PCDHGA3: variants seen among roughly 807,000 people sequenced by gnomAD.
PCDHGA3 encodes protocadherin gamma subfamily A, 3.
In PCDHGA3, 40 loss-of-function variants were observed where a neutral mutation model predicts 58.5. The observed-to-expected ratio is 0.68, with a 90% CI of 0.53 to 0.89. The LOEUF is 0.89. PCDHGA3 is among the 40% of genes least tolerant of loss of function. The probability of loss-of-function intolerance (pLI) is 0.00; values close to 1 mark genes in which losing one functional copy is unlikely to be tolerated. For missense variants in PCDHGA3, 1,223 were observed against 1,195.9 expected (o/e 1.02, Z -0.33); for synonymous variants, 530 against 525.7 (o/e 1.01, Z -0.11).
intron 1 of PCDHGA3, among the ~76,000 whole-genome samples, chr5:141,456,690 C>T (rs893478646): frequency 7.2e-5 from 11 of 152,218 alleles, no homozygotes; most frequent in Admixed American, 5.2e-4. Flanking sequence ...ACTGGCCAGG[C>T]GTGGTGGCTC....
intron 1 of PCDHGA3, chr5:141,350,273 A>C: frequency 2.0e-6 from 3 of 1,512,540 alleles, no homozygotes; most frequent in Non-Finnish European, 2.6e-6. Flanking sequence ...GCAGAGAGCC[A>C]GAGAAGCCGA....
At chr5:141,414,570 C>T in intron 1 of PCDHGA3, 1 of 1,613,980 alleles carries the variant, frequency 6.2e-7, no homozygotes. Context: ...TTACCTATAT[C>T]CCAGAGAACA....
intron 1 of PCDHGA3, chr5:141,361,522 G>A: frequency 1.2e-6 from 2 of 1,614,054 alleles, no homozygotes; most frequent in Non-Finnish European, 1.7e-6. Flanking sequence ...TCACGTGGCA[G>A]AGAACAATCC....
At chr5:141,386,071 T>C (rs1306390506) in intron 1 of PCDHGA3, 4 of 152,214 alleles carry the variant, frequency 2.6e-5, no homozygotes, top group Non-Finnish European at 5.9e-5. Context: ...CAGTATGTTG[T>C]TTTAGTGGTA....
At chr5:141,368,943 C>G (rs1765943914) in intron 1 of PCDHGA3, among the ~76,000 whole-genome samples, 1 of 152,178 alleles carries the variant, frequency 6.6e-6, no homozygotes, top group South Asian at 2.1e-4. Context: ...ATTCTGGTTA[C>G]TGTGAGTAGT....
At chr5:141,504,634 AG>A (rs2099839600) in intron 2 of PCDHGA3, among the ~76,000 whole-genome samples, 1 of 115,756 alleles carries the variant, frequency 8.6e-6, no homozygotes, top group Non-Finnish European at 1.7e-5. Context: ...ACCTTGGAAA[AG>A]GTTTGATGAT....
At chr5:141,389,903 C>T in intron 1 of PCDHGA3, 1 of 1,614,092 alleles carries the variant, frequency 6.2e-7, no homozygotes, top group Non-Finnish European at 8.5e-7. Context: ...TGCCGGATAT[C>T]ACTGACCGCC....
Position 141,431,478 on chromosome 5 carries a change from C to T in PCDHGA3, c.2425-63329C>T, listed in dbSNP as rs1163422580. On this transcript the variant is annotated intron_variant, in intron 1 of 3. Coordinates refer to ENST00000253812, the MANE Select transcript of PCDHGA3 (RefSeq NM_018916.4). The surrounding 1 kb of genome is among the most constrained non-coding windows in gnomAD (Gnocchi z 4.8). ...GTTCTGGATGCGAACGACAACGCAC[C>T]AGCGTTTGCTCAGCCCGAGTACCGC... The T allele has an allele frequency of 6.2e-7, 1 of 1,613,748 alleles. No individual in the cohort carries two copies. The highest frequency in any genetic ancestry group is 8.5e-7 in the Non-Finnish European group (1 of 1,179,976).
intron 1 of PCDHGA3, chr5:141,393,283 C>T (rs2150516449): frequency 6.2e-7 from 1 of 1,613,988 alleles, no homozygotes; most frequent in Middle Eastern, 1.6e-4. Flanking sequence ...CTCCCAGAAG[C>T]TGTTGACCCG....
At chr5:141,504,113 C>A (rs568207803) in intron 2 of PCDHGA3, among the ~76,000 whole-genome samples, 1 of 152,220 alleles carries the variant, frequency 6.6e-6, no homozygotes, top group Non-Finnish European at 1.5e-5. Flanking sequence ...TGTGTGTGTG[C>A]CAGGGCTGTT....
At chr5:141,375,345 C>G (rs749825552) in intron 1 of PCDHGA3, 9 of 1,613,740 alleles carry the variant, frequency 5.6e-6, no homozygotes, top group African/African-American at 1.3e-5. Context: ...TACAACATCA[C>G]TGTGACAGCC....
chr5:141,423,756 GGGGGTGGGGC>G, intron 1 of PCDHGA3: 1 of 448,620 alleles, frequency 2.2e-6, no homozygotes, highest in Non-Finnish European at 3.0e-6. Context: ...TGTTTGGGGG[GGGGGTGGGGC>G]GGCATATATT....
chr5:141,345,402 T>G lies in PCDHGA3; in HGVS notation c.1369T>G (p.Tyr457Asp). Residue 457 changes from tyrosine (Y) to aspartate (D), a missense_variant, in exon 1 of 4, where the codon TAC becomes GAC. Coordinates refer to ENST00000253812, the MANE Select transcript of PCDHGA3 (RefSeq NM_018916.4). Reference protein sequence around the residue: ...DNPPTFPHLSYSAYIPENNPR... With the variant: ...DNPPTFPHLSDSAYIPENNPR... ...CCCACCCACCTTCCCTCATTTATCC[T>G]ACTCCGCCTACATTCCAGAAAACAA... is the stretch of plus-strand genomic sequence containing the variant. 1.2e-6 allele frequency: 2 copies of G among 1,613,996 alleles called. No homozygotes were observed. Among genetic ancestry groups the G allele is most frequent in the East Asian group, 2.2e-5 (1 of 44,892 alleles).
chr5:141,418,093 C>A, intron 1 of PCDHGA3: 2 of 1,614,032 alleles, frequency 1.2e-6, no homozygotes, highest in Non-Finnish European at 1.7e-6. Context: ...TCAGCGTAGA[C>A]GCGCAGAGCG....
At chr5:141,350,936 TGGATCCGAGTTAC>T (rs1561498840) in intron 1 of PCDHGA3, 1 of 1,614,102 alleles carries the variant, frequency 6.2e-7, no homozygotes, top group Non-Finnish European at 8.5e-7. Flanking sequence ...CACCCATATC[TGGATCCGAGTTAC>T]GGATGCCAAT....
At chr5:141,498,679 C>T (rs1454800332) in intron 2 of PCDHGA3, among the ~76,000 whole-genome samples, 1 of 152,170 alleles carries the variant, frequency 6.6e-6, no homozygotes, top group African/African-American at 2.4e-5. Flanking sequence ...CGCCTGTAAT[C>T]CCAGCACTTT....
intron 2 of PCDHGA3, among the ~76,000 whole-genome samples, chr5:141,495,175 C>A (rs1337353259): frequency 6.6e-6 from 1 of 152,300 alleles, no homozygotes; most frequent in Middle Eastern, 3.4e-3. Flanking sequence ...TGGGTGAAAG[C>A]GAGGCTTTCT....
intron 1 of PCDHGA3, chr5:141,385,196 G>C (rs760255338): frequency 3.7e-5 from 60 of 1,614,112 alleles, no homozygotes; most frequent in Non-Finnish European, 5.1e-5. Flanking sequence ...TCTCGGAAGA[G>C]TCACCTGATC....
intron 1 of PCDHGA3, among the ~76,000 whole-genome samples, chr5:141,379,925 A>T (rs1776079128): frequency 2.1e-5 from 1 of 48,106 alleles, no homozygotes; most frequent in East Asian, 5.2e-4. Context: ...TTTTTGTCAG[A>T]GTCTTGCTCT....
Sources: gnomAD v4.1 joint callset for allele counts (sites outside exome capture counted in the v4.1 genomes callset) on GRCh38, gnomAD v4.1.1 for gene constraint, Gnocchi (gnomAD v3.1) non-coding constraint, MANE v1.5 for transcripts, NCBI Gene and HGNC (gene_info 2026-07-23, HGNC 2026-07-21) for gene names.